Variants in CPA5 observed in about 807,000 individuals in gnomAD.
CPA5 encodes the protein testicular tissue protein Li 32.
Under a neutral mutation model 52.2 loss-of-function variants are expected in CPA5, and 38 were observed. The ratio of observed to expected loss-of-function variants is 0.73; its 90% CI spans 0.56 to 0.95. The LOEUF (loss-of-function observed/expected upper bound fraction) is 0.95. Among genes scored for constraint, CPA5 ranks in the 40% least tolerant of loss-of-function variants. The pLI, the probability that CPA5 is intolerant of heterozygous loss-of-function variation, is 0.00. For synonymous variants in CPA5, 198 were observed against 213.7 expected (o/e 0.93, Z 0.64); for missense variants, 519 against 566.7 (o/e 0.92, Z 0.86).
intron 5 of CPA5, among the ~76,000 whole-genome samples, chr7:130,355,134 C>G (rs1442776045): frequency 6.6e-6 from 1 of 152,252 alleles, no homozygotes; most frequent in Non-Finnish European, 1.5e-5. Flanking sequence ...CTGACTCCCC[C>G]AGATGACCAT....
At chr7:130,366,578 A>G (rs1024034075) in intron 10 of CPA5, among the ~76,000 whole-genome samples, 13 of 152,224 alleles carry the variant, frequency 8.5e-5, no homozygotes, top group Middle Eastern at 3.2e-3. Flanking sequence ...TAAGTCCCCA[A>G]GAAGAATTTT....
chr7:130,363,473 G>A lies in CPA5; in HGVS notation c.802G>A (p.Val268Met), dbSNP rs1226303874. The stretch of plus-strand genomic sequence containing the variant: ...CAGACCTGGAATCTTCTGCATCGGC[G>A]TGGATCTCAACAGGAACTGGAAGTC... ...SIRPGIFCIGVDLNRNWKSGF... is the reference protein window; with the variant it reads ...SIRPGIFCIGMDLNRNWKSGF... Residue 268 changes from valine to methionine, a missense_variant, in exon 10 of 13, where the codon GTG (valine) becomes ATG (methionine). Transcript: ENST00000474905. 1.8e-5 allele frequency: 28 copies of A among 1,586,536 alleles called. No individual in the cohort carries two copies. The highest frequency in any genetic ancestry group is 2.7e-5 in the African/African-American group (2 of 74,788).
At position 130,350,050 on chromosome 7, in the gene CPA5, A is replaced by G. The variant is rs377756312; in HGVS notation, c.274A>G (p.Ile92Val). ...AGTTCCTTTCTCTGAACTGAAAGAC[A>G]TCAAAGCTTATCTGGAGTCTCATGG... Reference protein sequence around the residue: ...MRVPFSELKDIKAYLESHGLA... With the variant: ...MRVPFSELKDVKAYLESHGLA... Residue 92 changes from isoleucine (I) to valine (V), a missense_variant, in exon 5 of 13, where the codon ATC becomes GTC. By Grantham distance (29) the Ile-to-Val change is conservative. Transcript: ENST00000474905. The G allele has an allele frequency of 2.5e-6, 4 of 1,613,986 alleles. No homozygotes were observed. In the African/African-American group the frequency reaches 5.3e-5, roughly 22 times the overall value.
rs372883450 is a variant in CPA5, at chr7:130,367,580, G to C, written c.1038+9G>C. ...CAAATCAGAGGGAGTTGGTGAGACT[G>C]GCTGCTTAGGGCCTGGGGAGAAGAG... On this transcript the variant is annotated intron_variant, in intron 11 of 12. Coordinates refer to ENST00000474905, the MANE Select transcript of CPA5 (RefSeq NM_080385.5). 519 of 1,610,686 alleles carry C rather than the reference G, an allele frequency of 3.2e-4. No homozygotes were observed. The highest frequency in any genetic ancestry group is 4.2e-4 in the Non-Finnish European group (500 of 1,177,110).
At chr7:130,361,494 T>C (rs1008014233) in intron 7 of CPA5, among the ~76,000 whole-genome samples, 2 of 152,078 alleles carry the variant, frequency 1.3e-5, no homozygotes, top group Non-Finnish European at 2.9e-5. Context: ...GCTAAGGAGT[T>C]GGGGCTGCAG....
intron 1 of CPA5, 117 bp downstream of exon 1, chr7:130,345,322 C>T (rs1554401856): frequency 2.0e-5 from 3 of 152,150 alleles, no homozygotes; most frequent in African/African-American, 7.2e-5. Context: ...CTGAGAATCG[C>T]CAGTGACAGT....
intron 9 of CPA5, 42 bp downstream of exon 9, chr7:130,363,036 AG>A (rs1358171907): frequency 8.3e-7 from 1 of 1,207,200 alleles, no homozygotes; most frequent in African/African-American, 1.5e-5. Context: ...GGTCAGCTCT[AG>A]GGGGATGGAG....
At chr7:130,369,637 G>A (rs188843356), downstream of CPA5, among the ~76,000 whole-genome samples, 588 of 150,280 alleles carry the variant, frequency 3.9e-3, 3 homozygotes, top group Middle Eastern at 0.01. Flanking sequence ...GTGTGTGTGC[G>A]TGTGTGTGTG....
Position 130,345,035 on chromosome 7 carries a change from T to A in CPA5, c.-322T>A, listed in dbSNP as rs1304995387. 1.3e-5 allele frequency: 2 copies of A among 152,232 alleles called. No individual in the cohort carries two copies. The highest frequency in any genetic ancestry group is 2.4e-5 in the African/African-American group (1 of 41,456). 9.4% of individuals were successfully genotyped at this position (152,232 alleles called of 1,614,324 possible). A position where few individuals can be genotyped will look rare whatever the true frequency, so the allele number is the denominator to read the frequency against. ...TATTGTTTAGCAGTACACCCTTTTA[T>A]CTCCATTGCTACTGAAGCTGAATGT... On this transcript the variant is annotated 5_prime_UTR_variant, in exon 1 of 13. Transcript: ENST00000474905.
At chr7:130,347,924 C>T (rs1409808663) in intron 4 of CPA5, 77 bp downstream of exon 4, 30 of 1,138,080 alleles carry the variant, frequency 2.6e-5, no homozygotes, top group South Asian at 2.4e-4. Flanking sequence ...GTCCTGCCCC[C>T]CTTTATCCCA....
intron 10 of CPA5, among the ~76,000 whole-genome samples, chr7:130,364,484 C>T (rs1199168455): frequency 2.6e-5 from 4 of 152,206 alleles, no homozygotes; most frequent in African/African-American, 9.6e-5. Context: ...TGAGCCACTG[C>T]GCCCAGCCAA....
At chr7:130,368,099 G>C (rs1174735697) in intron 12 of CPA5, 109 bp downstream of exon 12, 7 of 1,015,270 alleles carry the variant, frequency 6.9e-6, no homozygotes, top group African/African-American at 3.2e-5. Context: ...CTCCCACACT[G>C]GATAGAAGGG....
chr7:130,369,137 A>G (rs1379004421), downstream of CPA5, among the ~76,000 whole-genome samples: 1 of 152,120 alleles, frequency 6.6e-6, no homozygotes, highest in South Asian at 2.1e-4. Context: ...CCACAACCCA[A>G]CACGAATGAG....
chr7:130,358,771 G>A (rs782176211), intron 5 of CPA5, among the ~76,000 whole-genome samples: 21 of 152,180 alleles, frequency 1.4e-4, no homozygotes, highest in Admixed American at 4.6e-4. Flanking sequence ...TGTGACCCAA[G>A]CAGAGAAAAA....
At chr7:130,373,933 G>A in the CPA5 span, among the ~76,000 whole-genome samples, 15 of 152,366 alleles carry the variant, frequency 9.8e-5, no homozygotes, top group Middle Eastern at 3.4e-3. Flanking sequence ...AGTACGTGGG[G>A]TAGGAGAACC....
rs782514430 is a variant in CPA5 at position 130,347,879 on chromosome 7, AC to A, written c.198+37del. 8 of 1,561,094 alleles carry A rather than the reference AC, an allele frequency of 5.1e-6. No homozygotes were observed. The African/African-American group carries it at 9.7e-5, about 19-fold the overall frequency. On this transcript the variant is annotated intron_variant, in intron 4 of 12. Transcript: ENST00000474905. ...ACTCCTCAGGCTTGAGGACAACCCC[AC>A]CCCCTCCTCAGTGGCTCACACATTT...
chr7:130,364,989 G>A (rs1795997313), intron 10 of CPA5, among the ~76,000 whole-genome samples: 1 of 152,216 alleles, frequency 6.6e-6, no homozygotes, highest in South Asian at 2.1e-4. Flanking sequence ...GGGGGCTCAG[G>A]GTTTGGCTCC....
chr7:130,347,710 A>C, intron 3 of CPA5, 56 bp from the exon 4 acceptor site: 2 of 1,482,754 alleles, frequency 1.3e-6, no homozygotes, highest in Non-Finnish European at 1.9e-6. Context: ...CAAGTGACAC[A>C]GCCTTCCAGG....
intron 5 of CPA5, among the ~76,000 whole-genome samples, chr7:130,355,294 C>T (rs1344688133): frequency 1.3e-5 from 2 of 152,168 alleles, no homozygotes; most frequent in Admixed American, 6.5e-5. Flanking sequence ...TGTCACACTC[C>T]TCCTCATCAT....
Sources: gnomAD v4.1 joint callset for allele counts (sites outside exome capture counted in the v4.1 genomes callset) on GRCh38, gnomAD v4.1.1 for gene constraint, MANE v1.5 for transcripts, NCBI Gene and HGNC (gene_info 2026-07-23, HGNC 2026-07-21) for gene names.